CFAP20DC: variants seen among roughly 807,000 people sequenced by gnomAD.
The protein encoded by CFAP20DC is CFAP20 domain containing.
A neutral mutation model predicts 101.7 loss-of-function variants in CFAP20DC; 84 were observed. That is an observed-to-expected ratio of 0.83 (90% CI 0.69 to 0.99). The LOEUF (loss-of-function observed/expected upper bound fraction) is 0.99. Among genes scored for constraint, CFAP20DC ranks in the 50% least tolerant of loss-of-function variants. The pLI, the probability that CFAP20DC is intolerant of heterozygous loss-of-function variation, is 0.00. For synonymous variants in CFAP20DC, 359 were observed against 351.2 expected, an observed-to-expected ratio of 1.02 and a Z score of -0.25; for missense variants, 1,007 against 970.3, an observed-to-expected ratio of 1.04 and a Z score of -0.50.
chr3:58,810,009 G>C (rs1012570004), intron 14 of CFAP20DC, among the ~76,000 whole-genome samples: 3 of 152,128 alleles, frequency 2.0e-5, no homozygotes, highest in Admixed American at 6.6e-5. Flanking sequence ...CCAGGAAGAA[G>C]TTGAATCTCT....
chr3:58,817,023 G>A (rs1233793766), intron 14 of CFAP20DC, among the ~76,000 whole-genome samples: 1 of 152,148 alleles, frequency 6.6e-6, no homozygotes, highest in Non-Finnish European at 1.5e-5. Flanking sequence ...CCCCCCAGCA[G>A]CAGCACACTG....
chr3:58,894,999 G>A lies in CFAP20DC; in HGVS notation c.551-10290C>T, dbSNP rs1379797376. 1.3e-5 allele frequency among the ~76,000 whole-genome samples: 2 copies of A among 152,238 alleles called. No individual in the cohort carries two copies. The highest frequency in any genetic ancestry group is 4.8e-5 in the African/African-American group (2 of 41,466). ...TTGTAGCCATGGCTGGAGCAGCTGG[G>A]TCACAGGGCACCAAGTCCCCAGGCT... On this transcript the variant is annotated intron_variant, in intron 6 of 16. Transcript: ENST00000482387. The surrounding 1 kb of genome is among the most constrained non-coding windows in gnomAD (Gnocchi z 4.1).
intron 4 of CFAP20DC, among the ~76,000 whole-genome samples, chr3:58,975,544 T>G (rs888232661): frequency 3.3e-5 from 5 of 152,224 alleles, no homozygotes; most frequent in East Asian, 1.9e-4. Flanking sequence ...CTATACAGCA[T>G]AATCTTAGCT....
At chr3:58,719,026 T>A (rs1234092531) in intron 3 of CFAP20DC, among the ~76,000 whole-genome samples, 1 of 152,118 alleles carries the variant, frequency 6.6e-6, no homozygotes, top group Admixed American at 6.5e-5. Flanking sequence ...GAGGATCACT[T>A]GGGCCTAGGA....
intron 4 of CFAP20DC, among the ~76,000 whole-genome samples, chr3:58,942,705 T>C (rs1192193427): frequency 1.3e-5 from 2 of 152,120 alleles, no homozygotes; most frequent in African/African-American, 2.4e-5. Context: ...TAGTGGCACC[T>C]GGAACACCAG....
chr3:58,847,578 A>C (rs2077786722), intron 13 of CFAP20DC, among the ~76,000 whole-genome samples: 1 of 152,130 alleles, frequency 6.6e-6, no homozygotes, highest in Non-Finnish European at 1.5e-5. Flanking sequence ...GGGACTGTAA[A>C]CTAGTTCAAC....
At chr3:58,973,008 G>A (rs1026867097) in intron 4 of CFAP20DC, among the ~76,000 whole-genome samples, 1 of 152,004 alleles carries the variant, frequency 6.6e-6, no homozygotes, top group East Asian at 1.9e-4. Context: ...AACAATATTT[G>A]GGGATGAATT....
At chr3:58,994,596 T>C (rs1404459196) in intron 4 of CFAP20DC, among the ~76,000 whole-genome samples, 2 of 152,164 alleles carry the variant, frequency 1.3e-5, no homozygotes, top group Non-Finnish European at 2.9e-5. Flanking sequence ...CCCCCAGTTT[T>C]TCCCACACTT....
chr3:58,859,188 C>T lies in CFAP20DC; in HGVS notation c.1593+4370G>A, dbSNP rs1351503875. On this transcript the variant is annotated intron_variant, in intron 12 of 16. Transcript: ENST00000482387. The surrounding 1 kb of genome is among the most constrained non-coding windows in gnomAD (Gnocchi z 4.1). ...AACAAGTAACTAACCTGCAGCATGC[C>T]TGATATTAAAAAGGTTTGGCCAAAT... 6.6e-6 allele frequency among the ~76,000 whole-genome samples: 1 copy of T among 152,062 alleles called. No homozygotes were observed. Among genetic ancestry groups the T allele is most frequent in the African/African-American group, 2.4e-5 (1 of 41,396 alleles).
chr3:58,974,994 C>T (rs992376004), intron 4 of CFAP20DC, among the ~76,000 whole-genome samples: 2 of 152,140 alleles, frequency 1.3e-5, no homozygotes, highest in African/African-American at 4.8e-5. Context: ...AACCTGGTGC[C>T]TTCCCTACTG....
chr3:58,719,982 A>C (rs1575510910), intron 3 of CFAP20DC, among the ~76,000 whole-genome samples: 1 of 152,178 alleles, frequency 6.6e-6, no homozygotes, highest in South Asian at 2.1e-4. Context: ...CTGAGCTGCC[A>C]ATCTGGTTAA....
chr3:58,774,703 C>G (rs1024191392), intron 15 of CFAP20DC, among the ~76,000 whole-genome samples: 10 of 152,200 alleles, frequency 6.6e-5, no homozygotes, highest in African/African-American at 2.2e-4. Flanking sequence ...CATCTATATA[C>G]TGTATGATGA....
chr3:58,783,976 A>G (rs2072084772), intron 15 of CFAP20DC, among the ~76,000 whole-genome samples: 1 of 152,040 alleles, frequency 6.6e-6, no homozygotes, highest in East Asian at 1.9e-4. Flanking sequence ...ATGGTACACA[A>G]TAGTTCTTTA....
chr3:58,843,706 A>C (rs903594802), intron 13 of CFAP20DC, among the ~76,000 whole-genome samples: 13 of 150,516 alleles, frequency 8.6e-5, no homozygotes, highest in East Asian at 5.9e-4. Context: ...CAAGACACAT[A>C]ATTGTCAGAT....
chr3:58,820,624 C>G (rs978926642), intron 14 of CFAP20DC, among the ~76,000 whole-genome samples: 11 of 152,052 alleles, frequency 7.2e-5, no homozygotes, highest in African/African-American at 2.7e-4. Flanking sequence ...CTACAAACCA[C>G]TGCTCAAGGA....
chr3:58,907,347 G>C lies in CFAP20DC; in HGVS notation c.550+6361C>G, dbSNP rs2083703842. The stretch of plus-strand genomic sequence containing the variant: ...CTCCAGACTCTCCTCTTACTGCTAA[G>C]TAAGCTCATTAGTGAAGTTACCATT... On this transcript the variant is annotated intron_variant, in intron 6 of 16. Transcript: ENST00000482387. Among the ~76,000 whole-genome samples the C allele has an allele frequency of 2.6e-5, 4 of 152,138 alleles. No homozygotes were observed. The South Asian group carries it at 8.3e-4, about 31-fold the overall frequency.
intron 15 of CFAP20DC, among the ~76,000 whole-genome samples, chr3:58,804,847 G>A (rs2073946992): frequency 6.6e-6 from 1 of 152,176 alleles, no homozygotes; most frequent in Non-Finnish European, 1.5e-5. Flanking sequence ...TATATATATT[G>A]AAATTCTAAC....
intron 15 of CFAP20DC, among the ~76,000 whole-genome samples, chr3:58,764,329 C>T (rs188605725): frequency 6.6e-6 from 1 of 152,296 alleles, no homozygotes; most frequent in African/African-American, 2.4e-5. Flanking sequence ...GTAGGATCCT[C>T]CGAGCCAGGC....
At chr3:58,996,312 A>G (rs1423982112) in intron 4 of CFAP20DC, among the ~76,000 whole-genome samples, 1 of 152,186 alleles carries the variant, frequency 6.6e-6, no homozygotes, top group Admixed American at 6.5e-5. Context: ...TGTCTTCCTG[A>G]TATCTGGGAA....
Sources: allele counts gnomAD v4.1 joint callset (sites outside exome capture counted in the v4.1 genomes callset), GRCh38; gene constraint gnomAD v4.1.1; non-coding constraint Gnocchi (gnomAD v3.1); transcripts MANE v1.5; gene names NCBI Gene and HGNC (gene_info 2026-07-23, HGNC 2026-07-21).